The following SAMD12 variants were observed in gnomAD, a reference collection of about 807,000 sequenced individuals.
SAMD12 encodes sterile alpha motif domain containing 12, also known as sterile alpha motif domain-containing protein 12.
In SAMD12, 9 loss-of-function variants were observed where a neutral mutation model predicts 15.0. That is an observed-to-expected ratio of 0.60 (90% CI 0.36 to 1.05). The LOEUF is 1.05. Among genes scored for constraint, SAMD12 ranks in the 50% least tolerant of loss-of-function variants. The probability of loss-of-function intolerance (pLI) is 0.01; values close to 1 mark genes in which losing one functional copy is unlikely to be tolerated. For synonymous variants in SAMD12, 86 were observed against 90.1 expected (o/e 0.96, Z 0.25); for missense variants, 230 against 234.2 (o/e 0.98, Z 0.12).
chr8:118,485,222 C>G (rs1586754892), intron 2 of SAMD12, among the ~76,000 whole-genome samples: 2 of 152,180 alleles, frequency 1.3e-5, no homozygotes, highest in Admixed American at 6.5e-5. Flanking sequence ...CCTTCACACT[C>G]CACACCCAGG....
chr8:118,537,335 C>G (rs1204496243), intron 2 of SAMD12, among the ~76,000 whole-genome samples: 1 of 152,000 alleles, frequency 6.6e-6, no homozygotes, highest in Non-Finnish European at 1.5e-5. Context: ...TTGGGAAGTT[C>G]TCTGTTATTA....
chr8:118,554,167 G>A (rs555743373), intron 2 of SAMD12, among the ~76,000 whole-genome samples: 5 of 152,234 alleles, frequency 3.3e-5, no homozygotes, highest in African/African-American at 9.6e-5. Flanking sequence ...ATTTGACCCA[G>A]ACATCCCATT....
intron 2 of SAMD12, among the ~76,000 whole-genome samples, chr8:118,546,226 T>A (rs1479524758): frequency 6.6e-6 from 1 of 152,100 alleles, no homozygotes; most frequent in African/African-American, 2.4e-5. Context: ...CTGGACCAAT[T>A]AACATTTAAG....
intron 3 of SAMD12, among the ~76,000 whole-genome samples, chr8:118,430,830 T>C (rs1287634912): frequency 6.6e-6 from 1 of 152,098 alleles, no homozygotes; most frequent in Admixed American, 6.5e-5. Context: ...ATAGTTAGGC[T>C]TTTTTTGCCC....
intron 2 of SAMD12, among the ~76,000 whole-genome samples, chr8:118,577,024 G>A (rs1318796893): frequency 6.6e-6 from 1 of 152,144 alleles, no homozygotes; most frequent in African/African-American, 2.4e-5. Context: ...GCGTGGCATG[G>A]CATGCATATT....
chr8:118,241,872 C>T (rs1046009723), intron 4 of SAMD12, among the ~76,000 whole-genome samples: 12 of 152,140 alleles, frequency 7.9e-5, no homozygotes, highest in Non-Finnish European at 1.0e-4. Flanking sequence ...TCCTCCAACA[C>T]ACAAAACAAA....
In SAMD12 at chr8:118,527,777, T is replaced by A. The variant is rs138065264; in HGVS notation, c.192+52938A>T. ...AATCTTGAGTTAATAAGATGTTTAA[T>A]TAGGGATATCTGCTGAAGCTTAGAA... is the stretch of plus-strand genomic sequence containing the variant. On this transcript the variant is annotated intron_variant, in intron 2 of 3. Transcript: ENST00000314727. 4.1e-3 allele frequency among the ~76,000 whole-genome samples: 619 copies of A among 152,296 alleles called. 6 individuals carry two copies. Among genetic ancestry groups the A allele is most frequent in the African/African-American group, 0.012 (500 of 41,588 alleles).
At chr8:118,576,207 T>C (rs1442400820) in intron 2 of SAMD12, among the ~76,000 whole-genome samples, 1 of 152,176 alleles carries the variant, frequency 6.6e-6, no homozygotes, top group Admixed American at 6.5e-5. Context: ...CCTGGAAACA[T>C]GGGATAATGA....
the SAMD12 span, among the ~76,000 whole-genome samples, chr8:118,134,238 G>A: frequency 6.6e-6 from 1 of 152,310 alleles, no homozygotes; most frequent in African/African-American, 2.4e-5. Flanking sequence ...CTGTCTCTGG[G>A]TTTCTTGGAT....
At position 118,580,904 on chromosome 8, in the gene SAMD12, G is replaced by C. The variant is rs1827280852; in HGVS notation, c.14-11C>G. The C allele has an allele frequency of 6.3e-7, 1 of 1,596,012 alleles. No homozygotes were observed. The highest frequency in any genetic ancestry group is 8.5e-7 in the Non-Finnish European group (1 of 1,171,564). Reference sequence around the variant, plus strand: ...AACCACAGTGGAGAGCTAGGAAAAAGCAACAAATAGAACTCAGAAAACAAA... The same window carrying C: ...AACCACAGTGGAGAGCTAGGAAAAACCAACAAATAGAACTCAGAAAACAAA... On this transcript the variant is annotated splice_polypyrimidine_tract_variant and intron_variant, in intron 1 of 3. Coordinates refer to ENST00000314727, the MANE Select transcript of SAMD12 (RefSeq NM_207506.3).
chr8:118,199,705 A>T (rs747357499), intron 4 of SAMD12, among the ~76,000 whole-genome samples: 8 of 152,168 alleles, frequency 5.3e-5, no homozygotes, highest in Non-Finnish European at 1.2e-4. Context: ...TAGGATATTA[A>T]AAAAGCACTT....
At chr8:118,331,750 A>C (rs1001543861) in intron 4 of SAMD12, among the ~76,000 whole-genome samples, 8 of 152,250 alleles carry the variant, frequency 5.3e-5, no homozygotes, top group African/African-American at 1.9e-4. Context: ...ACATGTGAGA[A>C]TCAATAATTC....
intron 1 of SAMD12, among the ~76,000 whole-genome samples, chr8:118,591,896 G>A (rs1307522017): frequency 6.6e-6 from 1 of 152,032 alleles, no homozygotes; most frequent in Non-Finnish European, 1.5e-5. Flanking sequence ...ATTTTGGGAG[G>A]GAAGAAGGAA....
chr8:118,334,795 C>T (rs895390282), intron 4 of SAMD12, among the ~76,000 whole-genome samples: 1 of 152,128 alleles, frequency 6.6e-6, no homozygotes, highest in Non-Finnish European at 1.5e-5. Flanking sequence ...TTGGGATTCA[C>T]CATGTTGCCC....
intron 4 of SAMD12, chr8:118,288,117 A>C (rs970687957): frequency 6.6e-6 from 1 of 152,204 alleles, no homozygotes; most frequent in African/African-American, 2.4e-5. Flanking sequence ...TGGTGAAAAG[A>C]AGTGACGATA....
At chr8:118,166,551 A>C in the SAMD12 span, among the ~76,000 whole-genome samples, 1 of 152,222 alleles carries the variant, frequency 6.6e-6, no homozygotes, top group Non-Finnish European at 1.5e-5. Context: ...AGAGCCTTTC[A>C]TCCAAAAACC....
intron 2 of SAMD12, among the ~76,000 whole-genome samples, chr8:118,550,052 T>G (rs185495071): frequency 4.0e-4 from 61 of 152,124 alleles, no homozygotes; most frequent in Admixed American, 3.3e-4. Flanking sequence ...CTACGACTGA[T>G]TGGTGTACCT....
the SAMD12 span, among the ~76,000 whole-genome samples, chr8:118,138,316 T>C: frequency 6.6e-6 from 1 of 152,274 alleles, no homozygotes; most frequent in East Asian, 1.9e-4. Flanking sequence ...GGTCTGAATG[T>C]TTATATGTGC....
the SAMD12 span, among the ~76,000 whole-genome samples, chr8:118,163,190 C>G: frequency 6.6e-6 from 1 of 152,136 alleles, no homozygotes; most frequent in African/African-American, 2.4e-5. Flanking sequence ...TCACAGCTCA[C>G]TGTAGCCTTG....
Sources: allele counts gnomAD v4.1 joint callset (sites outside exome capture counted in the v4.1 genomes callset), GRCh38; gene constraint gnomAD v4.1.1; transcripts MANE v1.5; gene names NCBI Gene and HGNC (gene_info 2026-07-23, HGNC 2026-07-21).